Variants in CSMD1 observed in about 807,000 individuals in gnomAD.
The protein encoded by CSMD1 is CUB and Sushi multiple domains 1.
CSMD1 carries 213 observed loss-of-function variants against 417.5 expected under a neutral mutation model. The observed-to-expected ratio is 0.51, with a 90% CI of 0.46 to 0.57. The LOEUF is 0.57. Ranked by LOEUF, CSMD1 falls within the 20% of genes least tolerant of loss-of-function variation. The pLI, the probability that CSMD1 is intolerant of heterozygous loss-of-function variation, is 0.00. For synonymous variants in CSMD1, 2,862 were observed against 1,736.8 expected (o/e 1.65, Z -16.11); for missense variants, 6,923 against 4,529.7 (o/e 1.53, Z -15.17).
intron 5 of CSMD1, among the ~76,000 whole-genome samples, chr8:3,996,813 T>C (rs973603463): frequency 2.6e-5 from 4 of 152,236 alleles, no homozygotes; most frequent in African/African-American, 2.4e-5. Flanking sequence ...GACTTCTCCA[T>C]GAATAGGAAT....
At chr8:3,145,088 CGT>C (rs1563084106) in intron 40 of CSMD1, among the ~76,000 whole-genome samples, 4 of 151,242 alleles carry the variant, frequency 2.6e-5, no homozygotes, top group Non-Finnish European at 5.9e-5. Flanking sequence ...TCTGTGTGCA[CGT>C]GTGTTTGTGT....
intron 5 of CSMD1, among the ~76,000 whole-genome samples, chr8:3,925,617 G>C (rs541627939): frequency 6.6e-6 from 1 of 151,980 alleles, no homozygotes; most frequent in African/African-American, 2.4e-5. Context: ...TCGCAACAGT[G>C]AATAAGTCTC....
At chr8:3,978,161 G>GA (rs1813584746) in intron 5 of CSMD1, among the ~76,000 whole-genome samples, 2 of 152,252 alleles carry the variant, frequency 1.3e-5, no homozygotes, top group African/African-American at 4.8e-5. Flanking sequence ...CCTCTCGAGT[G>GA]AGGAAACAGC....
intron 3 of CSMD1, among the ~76,000 whole-genome samples, chr8:4,324,826 A>C (rs374583430): frequency 1.3e-5 from 2 of 152,350 alleles, no homozygotes; most frequent in African/African-American, 4.8e-5. Context: ...TAGAGAACAT[A>C]AGCAAGACAA....
chr8:4,964,261 C>T (rs1397622105), intron 1 of CSMD1, among the ~76,000 whole-genome samples: 4 of 151,872 alleles, frequency 2.6e-5, no homozygotes, highest in Non-Finnish European at 5.9e-5. Flanking sequence ...CACCTGTAAT[C>T]CCAGCAGTTT....
At chr8:3,651,413 T>C (rs1797852176) in intron 7 of CSMD1, among the ~76,000 whole-genome samples, 1 of 152,040 alleles carries the variant, frequency 6.6e-6, no homozygotes, top group African/African-American at 2.4e-5. Context: ...CTTCATGGAG[T>C]ACCTCGAACT....
intron 1 of CSMD1, among the ~76,000 whole-genome samples, chr8:4,937,247 A>C (rs1389475567): frequency 6.6e-6 from 1 of 151,998 alleles, no homozygotes; most frequent in East Asian, 1.9e-4. Flanking sequence ...TTTTTTATAA[A>C]TATAAGGACA....
intron 26 of CSMD1, among the ~76,000 whole-genome samples, chr8:3,249,236 T>G (rs1361581437): frequency 6.6e-6 from 1 of 152,126 alleles, no homozygotes; most frequent in Non-Finnish European, 1.5e-5. Flanking sequence ...CTGCTGTTGT[T>G]ATTGAGATAG....
intron 5 of CSMD1, among the ~76,000 whole-genome samples, chr8:3,987,025 G>T (rs970724794): frequency 6.6e-6 from 1 of 152,146 alleles, no homozygotes; most frequent in Non-Finnish European, 1.5e-5. Flanking sequence ...AAAGTGCTGG[G>T]ATTACAGACG....
intron 5 of CSMD1, among the ~76,000 whole-genome samples, chr8:3,901,536 A>G (rs1312141936): frequency 6.6e-6 from 1 of 152,150 alleles, no homozygotes; most frequent in African/African-American, 2.4e-5. Context: ...ATGTACACCA[A>G]CCTGCCGATC....
At chr8:3,688,376 G>A (rs1800055120) in intron 7 of CSMD1, among the ~76,000 whole-genome samples, 1 of 152,182 alleles carries the variant, frequency 6.6e-6, no homozygotes, top group Non-Finnish European at 1.5e-5. Flanking sequence ...TTATAAAGGA[G>A]GAATTGAGAA....
chr8:4,224,576 G>C (rs1306526045), intron 3 of CSMD1, among the ~76,000 whole-genome samples: 1 of 152,146 alleles, frequency 6.6e-6, no homozygotes, highest in Non-Finnish European at 1.5e-5. Context: ...GTGCTTCAGT[G>C]GTGCCTCCGG....
intron 5 of CSMD1, among the ~76,000 whole-genome samples, chr8:3,914,277 G>C (rs748018292): frequency 1.3e-5 from 2 of 152,152 alleles, no homozygotes; most frequent in Non-Finnish European, 2.9e-5. Context: ...ATACTTTGGA[G>C]AGAAAGGGTC....
At chr8:3,410,085 A>T (rs1812588943) in intron 12 of CSMD1, among the ~76,000 whole-genome samples, 1 of 152,258 alleles carries the variant, frequency 6.6e-6, no homozygotes. Flanking sequence ...TATGAAGCAG[A>T]ATGAATAACA....
intron 64 of CSMD1, among the ~76,000 whole-genome samples, chr8:2,954,791 A>T (rs1265709012): frequency 6.6e-6 from 1 of 152,218 alleles, no homozygotes; most frequent in East Asian, 1.9e-4. Flanking sequence ...TCAAACTACG[A>T]ATTACCATTT....
At chr8:4,960,894 G>A (rs912839379) in intron 1 of CSMD1, among the ~76,000 whole-genome samples, 12 of 152,074 alleles carry the variant, frequency 7.9e-5, no homozygotes, top group African/African-American at 2.7e-4. Flanking sequence ...CTCAACTCCT[G>A]AAATACAACT....
intron 50 of CSMD1, among the ~76,000 whole-genome samples, chr8:3,040,931 A>C (rs2128983719): frequency 6.6e-6 from 1 of 152,326 alleles, no homozygotes; most frequent in South Asian, 2.1e-4. Context: ...AGCATCATGA[A>C]CATTTTAAAA....
intron 5 of CSMD1, among the ~76,000 whole-genome samples, chr8:3,836,690 T>G (rs964425262): frequency 6.6e-6 from 1 of 152,090 alleles, no homozygotes; most frequent in Non-Finnish European, 1.5e-5. Flanking sequence ...TTGTTCAATA[T>G]GGTTAGAATT....
chr8:3,286,406 A>T (rs898944584), intron 25 of CSMD1, among the ~76,000 whole-genome samples: 1 of 152,086 alleles, frequency 6.6e-6, no homozygotes, highest in Non-Finnish European at 1.5e-5. Context: ...GGCCACACTG[A>T]CTTCCACAAT....
Sources: allele counts gnomAD v4.1 joint callset (sites outside exome capture counted in the v4.1 genomes callset), GRCh38; gene constraint gnomAD v4.1.1; transcripts MANE v1.5; gene names NCBI Gene and HGNC (gene_info 2026-07-23, HGNC 2026-07-21).